Variants in ADAMTS17 observed in about 807,000 individuals in gnomAD.
The protein encoded by ADAMTS17 is ADAM metallopeptidase with thrombospondin type 1 motif 17, also known as A disintegrin and metalloproteinase with thrombospondin motifs 17.
In ADAMTS17, 113 loss-of-function variants were observed where a neutral mutation model predicts 141.5. The observed-to-expected ratio is 0.80, with a 90% CI of 0.69 to 0.93. The LOEUF (loss-of-function observed/expected upper bound fraction) is 0.93. Ranked by LOEUF, ADAMTS17 falls within the 40% of genes least tolerant of loss-of-function variation. The pLI is 0.00. For missense variants in ADAMTS17, 1,659 were observed against 1,517.9 expected, an observed-to-expected ratio of 1.09 and a Z score of -1.54; for synonymous variants, 768 against 630.6, an observed-to-expected ratio of 1.22 and a Z score of -3.27.
intron 2 of ADAMTS17, 168 bp downstream of exon 2, chr15:100,340,871 A>C: frequency 9.5e-7 from 1 of 1,057,278 alleles, no homozygotes; most frequent in South Asian, 1.5e-5. Context: ...TATAGAGGGT[A>C]CCGAAGGCCG....
chr15:100,091,320 G>C (rs975068031), intron 15 of ADAMTS17, among the ~76,000 whole-genome samples: 1 of 152,132 alleles, frequency 6.6e-6, no homozygotes, highest in African/African-American at 2.4e-5. Context: ...GAATTTACAA[G>C]GTAGATTCAC....
Position 100,051,728 on chromosome 15 carries a change from A to C in ADAMTS17, c.2299T>G (p.Leu767Val), listed in dbSNP as rs139499471. ...PTKLPLHLMV[L>V]LFHDQDYGIH... ...CCATAATCTTGGTCGTGAAATAACA[A>C]CACCTGGATCAGCCGCAAAACAAAA... The change falls in exon 17 of 22, where the codon TTG becomes GTG. Residue 767 changes from leucine (L) to valine (V), a missense_variant. Coordinates refer to ENST00000268070, the MANE Select transcript of ADAMTS17 (RefSeq NM_139057.4). 2.5e-6 allele frequency: 4 copies of C among 1,614,058 alleles called. No individual in the cohort carries two copies. In the African/African-American group the frequency reaches 5.3e-5, roughly 22 times the overall value.
At chr15:100,290,912 G>C (rs578084003) in intron 3 of ADAMTS17, among the ~76,000 whole-genome samples, 1 of 152,220 alleles carries the variant, frequency 6.6e-6, no homozygotes, top group Non-Finnish European at 1.5e-5. Flanking sequence ...AAAAACCTAG[G>C]AAATACCATT....
chr15:100,269,565 C>A (rs1339369811), intron 4 of ADAMTS17, among the ~76,000 whole-genome samples: 2 of 152,202 alleles, frequency 1.3e-5, no homozygotes, highest in African/African-American at 4.8e-5. Flanking sequence ...ACCATTGAAA[C>A]CTCAGTGGAT....
intron 7 of ADAMTS17, among the ~76,000 whole-genome samples, chr15:100,245,498 T>C (rs1314452699): frequency 3.9e-5 from 6 of 152,240 alleles, no homozygotes; most frequent in Non-Finnish European, 2.9e-5. Context: ...ATGTTGGTTC[T>C]ACATCTCCAA....
chr15:100,152,838 T>TTC, intron 9 of ADAMTS17, 76 bp from the exon 10 acceptor site: 1 of 1,525,754 alleles, frequency 6.6e-7, no homozygotes, highest in Non-Finnish European at 8.9e-7. Context: ...TTTTTTTTTT[T>TTC]GAGTTTTCAG....
intron 8 of ADAMTS17, among the ~76,000 whole-genome samples, chr15:100,179,619 C>T (rs1485349738): frequency 6.6e-6 from 1 of 152,204 alleles, no homozygotes; most frequent in East Asian, 1.9e-4. Context: ...TGAGGAACCT[C>T]CAAACTGTTC....
chr15:100,000,392 A>G (rs1313768843), intron 18 of ADAMTS17, among the ~76,000 whole-genome samples: 14 of 151,938 alleles, frequency 9.2e-5, no homozygotes, highest in Admixed American at 9.2e-4. Flanking sequence ...CCTCCCATTC[A>G]TTTTCTACTC....
intron 5 of ADAMTS17, among the ~76,000 whole-genome samples, chr15:100,262,066 G>A (rs866105094): frequency 6.6e-6 from 1 of 152,124 alleles, no homozygotes; most frequent in African/African-American, 2.4e-5. Flanking sequence ...CAATGCCAGA[G>A]ACCTTGCCAT....
chr15:100,296,386 A>G (rs1596469698), intron 3 of ADAMTS17, among the ~76,000 whole-genome samples: 1 of 152,136 alleles, frequency 6.6e-6, no homozygotes, highest in Admixed American at 6.5e-5. Context: ...CATAAATCCA[A>G]CATCCTTGAA....
chr15:100,089,788 C>G (rs1261694101), intron 15 of ADAMTS17, among the ~76,000 whole-genome samples: 2 of 138,418 alleles, frequency 1.4e-5, no homozygotes, highest in South Asian at 4.5e-4. Context: ...ACAATGAGAA[C>G]ACATGGACAC....
chr15:100,250,915 T>A (rs2043133857), intron 7 of ADAMTS17, among the ~76,000 whole-genome samples: 1 of 152,202 alleles, frequency 6.6e-6, no homozygotes, highest in East Asian at 1.9e-4. Flanking sequence ...AGTCCATAAA[T>A]AAATTGGATG....
intron 7 of ADAMTS17, among the ~76,000 whole-genome samples, chr15:100,236,946 T>C (rs2042676256): frequency 6.6e-6 from 1 of 152,118 alleles, no homozygotes. Context: ...TACGGCTGAA[T>C]CCCATGGTTC....
At chr15:100,257,278 C>T (rs1307957955) in intron 6 of ADAMTS17, among the ~76,000 whole-genome samples, 2 of 152,188 alleles carry the variant, frequency 1.3e-5, no homozygotes, top group Admixed American at 1.3e-4. Flanking sequence ...ATTATTATCC[C>T]AACCTAGGGA....
At chr15:100,336,179 G>T (rs909527744) in intron 2 of ADAMTS17, among the ~76,000 whole-genome samples, 3 of 152,264 alleles carry the variant, frequency 2.0e-5, no homozygotes, top group Non-Finnish European at 1.5e-5. Flanking sequence ...AGACGATGCT[G>T]GTGGGCAGCC....
rs547442360 is a variant in ADAMTS17 at position 100,302,730 on chromosome 15, A to G, written c.617-21329T>C. On this transcript the variant is annotated intron_variant, in intron 3 of 21. Coordinates refer to ENST00000268070, the MANE Select transcript of ADAMTS17 (RefSeq NM_139057.4). ...CTGCGATGGTTAATACTGAGTGTCA[A>G]TTTGACTGGATTGAAGAATACAAAG... 9.8e-5 allele frequency among the ~76,000 whole-genome samples: 15 copies of G among 152,310 alleles called. No individual in the cohort carries two copies. The South Asian group carries it at 3.1e-3, about 32-fold the overall frequency.
chr15:100,080,399 G>C (rs1429957506), intron 15 of ADAMTS17, among the ~76,000 whole-genome samples: 3 of 149,808 alleles, frequency 2.0e-5, no homozygotes, highest in African/African-American at 7.6e-5. Flanking sequence ...GTAAGGAAGA[G>C]TATGCATGGA....
intron 21 of ADAMTS17, among the ~76,000 whole-genome samples, chr15:99,975,139 G>A (rs1394737891): frequency 6.6e-6 from 1 of 152,218 alleles, no homozygotes; most frequent in Non-Finnish European, 1.5e-5. Context: ...TGAGTTTCCA[G>A]CCTCAGGTAG....
chr15:100,152,564 G>C, intron 10 of ADAMTS17, 48 bp downstream of exon 10: 1 of 1,608,978 alleles, frequency 6.2e-7, no homozygotes, highest in Non-Finnish European at 8.5e-7. Context: ...GCTGTGGGAG[G>C]GCTGGATCCA....
Sources: allele counts gnomAD v4.1 joint callset (sites outside exome capture counted in the v4.1 genomes callset), GRCh38; gene constraint gnomAD v4.1.1; transcripts MANE v1.5; gene names NCBI Gene and HGNC (gene_info 2026-07-23, HGNC 2026-07-21).